PGLYRP4: variants seen among roughly 807,000 people sequenced by gnomAD.
PGLYRP4 encodes peptidoglycan recognition protein 4.
In PGLYRP4, 39 loss-of-function variants were observed where a neutral mutation model predicts 41.2. That is an observed-to-expected ratio of 0.95 (90% confidence interval 0.73 to 1.24). PGLYRP4 has a LOEUF of 1.24. Ranked by LOEUF, PGLYRP4 falls within the 50% of genes most tolerant of loss-of-function variation. The pLI, the probability that PGLYRP4 is intolerant of heterozygous loss-of-function variation, is 0.00. For missense variants in PGLYRP4, 467 were observed against 460.7 expected (o/e 1.01, Z -0.13); for synonymous variants, 202 against 186.8 (o/e 1.08, Z -0.66).
At position 153,337,256 on chromosome 1, in the gene PGLYRP4, A is replaced by G; in HGVS notation, c.868T>C (p.Trp290Arg). The change falls in exon 8 of 9, where the codon TGG becomes CGG. Residue 290 changes from tryptophan to arginine, a missense_variant. Coordinates refer to ENST00000359650, the MANE Select transcript of PGLYRP4 (RefSeq NM_020393.4). ...QDGAIYEGVG[W>R]NVQGSSTPGY... ...GGGGTGGAGGAGCCTTGGACATTCC[A>G]GCCCACCCCTTCATAAATGGCGCCA... 6.2e-7 allele frequency: 1 copy of G among 1,613,304 alleles called. No homozygotes were observed. Among genetic ancestry groups the G allele is most frequent in the Non-Finnish European group, 8.5e-7 (1 of 1,179,602 alleles).
chr1:153,343,521 T>C (rs1660882237), intron 4 of PGLYRP4, among the ~76,000 whole-genome samples: 1 of 152,172 alleles, frequency 6.6e-6, no homozygotes, highest in African/African-American at 2.4e-5. Context: ...GGAAGGCTCT[T>C]CTGTCTTCCA....
At chr1:153,331,769 G>A (rs1660346654) in intron 8 of PGLYRP4, 5 of 152,336 alleles carry the variant, frequency 3.3e-5, no homozygotes, top group South Asian at 2.1e-4. Flanking sequence ...AAATGCTAAG[G>A]GAATTTGTCA....
At chr1:153,335,447 A>G (rs1028773955) in intron 8 of PGLYRP4, among the ~76,000 whole-genome samples, 18 of 152,248 alleles carry the variant, frequency 1.2e-4, no homozygotes, top group African/African-American at 4.3e-4. Flanking sequence ...AATGCTCAAC[A>G]TTACTAATCA....
intron 8 of PGLYRP4, among the ~76,000 whole-genome samples, chr1:153,332,032 T>TA (rs994537519): frequency 6.7e-4 from 102 of 152,112 alleles, no homozygotes; most frequent in Middle Eastern, 6.8e-3. Context: ...GACTAATGAA[T>TA]AAAAACACAA....
chr1:153,340,292 G>A, intron 7 of PGLYRP4, 89 bp downstream of exon 7: 1 of 1,168,978 alleles, frequency 8.6e-7, no homozygotes, highest in Non-Finnish European at 1.3e-6. Context: ...TGACTACCCA[G>A]TAAATATTAG....
intron 6 of PGLYRP4, among the ~76,000 whole-genome samples, 178 bp downstream of exon 6, chr1:153,341,449 T>C (rs867813833): frequency 2.6e-5 from 4 of 152,078 alleles, no homozygotes; most frequent in Admixed American, 6.5e-5. Flanking sequence ...GACAAAGAGG[T>C]GGCCTGGAGG....
Position 153,337,219 on chromosome 1 carries a change from T to G in PGLYRP4, c.905A>C (p.Asp302Ala). The G allele has an allele frequency of 6.2e-7, 1 of 1,613,940 alleles. No homozygotes were observed. Among genetic ancestry groups the G allele is most frequent in the Non-Finnish European group, 8.5e-7 (1 of 1,179,884 alleles). The change falls in exon 8 of 9, where the codon GAC (aspartate) becomes GCC (alanine). Residue 302 changes from aspartate to alanine, a missense_variant. Physicochemically the swap from Asp to Ala is moderately radical, Grantham distance 126 (BLOSUM62 -2). Coordinates refer to ENST00000359650, the MANE Select transcript of PGLYRP4 (RefSeq NM_020393.4). ...CATGAAGGTAATGCCCAGGGCAATG[T>G]CATCGTAGCCAGGGGTGGAGGAGCC... ...VQGSSTPGYD[D>A]IALGITFMGT...
Position 153,346,154 on chromosome 1 carries a change from T to C in PGLYRP4, c.87A>G (p.Val29=). The change falls in exon 3 of 9, where the codon GTA becomes GTG. Residue 29 remains valine (V), a synonymous_variant. Coordinates refer to ENST00000359650, the MANE Select transcript of PGLYRP4 (RefSeq NM_020393.4). Reference sequence around the variant, plus strand: ...CAAATAGGTACTGGAGCCCCTCTGATACCTGTTTAGCTTGTGTTTTGTTCC... The same window carrying C: ...CAAATAGGTACTGGAGCCCCTCTGACACCTGTTTAGCTTGTGTTTTGTTCC... ...SSWNKTQAKQ[V]SEGLQYLFEN... 2 of 1,614,128 alleles carry C rather than the reference T, an allele frequency of 1.2e-6. No individual in the cohort carries two copies. The highest frequency in any genetic ancestry group is 1.7e-6 in the Non-Finnish European group (2 of 1,179,938).
intron 8 of PGLYRP4, among the ~76,000 whole-genome samples, chr1:153,334,610 T>C (rs1261262337): frequency 6.6e-6 from 1 of 151,596 alleles, no homozygotes; most frequent in East Asian, 1.9e-4. Context: ...ATCAGTGTCA[T>C]TAAAGTGACC....
intron 2 of PGLYRP4, 40 bp downstream of exon 2, chr1:153,347,831 ACTTTAGGATCACC>A: frequency 6.0e-6 from 8 of 1,340,948 alleles, no homozygotes; most frequent in Non-Finnish European, 8.5e-6. Flanking sequence ...CTATTATGAG[ACTTTAGGATCACC>A]CTTCTCGGTT....
At chr1:153,343,360 A>G (rs1660876982) in intron 4 of PGLYRP4, 152 bp from the exon 5 acceptor site, 6 of 606,462 alleles carry the variant, frequency 9.9e-6, no homozygotes, top group African/African-American at 3.7e-5. Flanking sequence ...TGAAAAGAGC[A>G]AGTCATTTAT....
chr1:153,331,290 G>A (rs1237060436), intron 8 of PGLYRP4, among the ~76,000 whole-genome samples: 2 of 152,310 alleles, frequency 1.3e-5, no homozygotes, highest in African/African-American at 4.8e-5. Context: ...CTGGGATGCA[G>A]GGGAATACTA....
Position 153,341,752 on chromosome 1 carries a change from G to A in PGLYRP4, c.500C>T (p.Ser167Leu), listed in dbSNP as rs148899281. 7.9e-5 allele frequency: 127 copies of A among 1,613,810 alleles called. No homozygotes were observed. Among genetic ancestry groups the A allele is most frequent in the African/African-American group, 2.7e-4 (20 of 74,930 alleles). The change falls in exon 6 of 9, where the codon TCG becomes TTG. Residue 167 changes from serine to leucine, a missense_variant. Coordinates refer to ENST00000359650, the MANE Select transcript of PGLYRP4 (RefSeq NM_020393.4). ...ATAGGTGATTAGGTTTTCCATGGCC[G>A]ACAGGGCAGCAGGGCTGGGACTGTG... ...KGHSPSPAAL[S>L]AMENLITYAV...
intron 1 of PGLYRP4, among the ~76,000 whole-genome samples, chr1:153,348,258 C>A (rs1376104003): frequency 6.6e-6 from 1 of 152,194 alleles, no homozygotes; most frequent in Non-Finnish European, 1.5e-5. Context: ...TCACACTAAT[C>A]CTGTCATGTA....
intron 4 of PGLYRP4, among the ~76,000 whole-genome samples, chr1:153,344,082 C>A (rs1345134968): frequency 6.6e-6 from 1 of 152,186 alleles, no homozygotes; most frequent in African/African-American, 2.4e-5. Flanking sequence ...ATAAGCACGA[C>A]AAAGACACAG....
In PGLYRP4 at chr1:153,345,363, G is replaced by GGA; in HGVS notation, c.157_158dup (p.Thr54ProfsTer20). 1 of 1,614,162 alleles carries GGA rather than the reference G, an allele frequency of 6.2e-7. No individual in the cohort carries two copies. On this transcript the variant is annotated frameshift_variant, in exon 4 of 9. Coordinates refer to ENST00000359650, the MANE Select transcript of PGLYRP4 (RefSeq NM_020393.4). LOFTEE classifies it high-confidence loss of function. Reference sequence around the variant, plus strand: ...CCCATGCCTTGCGAGAGACCGTGGTGGAGACATCTGTGGGAAGGCCTTGGG... The same window carrying GGA: ...CCCATGCCTTGCGAGAGACCGTGGTGGAGAGACATCTGTGGGAAGGCCTTGGG...
At chr1:153,333,240 A>G (rs1282921706) in intron 8 of PGLYRP4, among the ~76,000 whole-genome samples, 2 of 152,192 alleles carry the variant, frequency 1.3e-5, no homozygotes, top group Non-Finnish European at 2.9e-5. Context: ...AGGTTGCATT[A>G]CAGTTGATAC....
At position 153,346,184 on chromosome 1, in the gene PGLYRP4, G is replaced by A. The variant is rs1661003303; in HGVS notation, c.57C>T (p.Ser19=). The part of the protein sequence containing the change: ...SALGIQAWGD[S]SWNKTQAKQV... ...GTTTAGCTTGTGTTTTGTTCCAGGAGGAATCACCTGCAAAGGAATATCCCA... is the reference window on the plus strand; with the variant it reads ...GTTTAGCTTGTGTTTTGTTCCAGGAAGAATCACCTGCAAAGGAATATCCCA... Residue 19 remains serine (S), a synonymous_variant, in exon 3 of 9, where the codon TCC becomes TCT. Coordinates refer to ENST00000359650, the MANE Select transcript of PGLYRP4 (RefSeq NM_020393.4). 1 of 1,612,970 alleles carries A rather than the reference G, an allele frequency of 6.2e-7. No individual in the cohort carries two copies. Among genetic ancestry groups the A allele is most frequent in the South Asian group, 1.1e-5 (1 of 91,066 alleles).
chr1:153,340,606 G>T, intron 6 of PGLYRP4, 27 bp from the exon 7 acceptor site: 3 of 1,607,036 alleles, frequency 1.9e-6, no homozygotes, highest in Non-Finnish European at 2.6e-6. Context: ...AACCACAGAG[G>T]GTTCATCTTC....
Sources: allele counts gnomAD v4.1 joint callset (sites outside exome capture counted in the v4.1 genomes callset), GRCh38; gene constraint gnomAD v4.1.1; transcripts MANE v1.5; gene names NCBI Gene and HGNC (gene_info 2026-07-23, HGNC 2026-07-21).